Variants in SLC19A1 observed in about 807,000 individuals in gnomAD.
The protein encoded by SLC19A1 is solute carrier family 19 member 1.
In SLC19A1, 37 loss-of-function variants were observed where a neutral mutation model predicts 35.3. The observed-to-expected ratio is 1.05, with a 90% CI of 0.81 to 1.38. The LOEUF (loss-of-function observed/expected upper bound fraction) is 1.38. SLC19A1 is among the 40% of genes most tolerant of loss of function. SLC19A1 has a pLI of 0.00. For synonymous variants in SLC19A1, 460 were observed against 398.5 expected (o/e 1.15, Z -1.84); for missense variants, 831 against 826.9 (o/e 1.00, Z -0.06).
intron 5 of SLC19A1, among the ~76,000 whole-genome samples, chr21:45,516,784 T>G (rs2037969708): frequency 6.6e-6 from 1 of 152,156 alleles, no homozygotes. Flanking sequence ...TTCAGGAGGC[T>G]GCAGTGCCCT....
At chr21:45,526,244 T>C (rs758770563) in intron 4 of SLC19A1, among the ~76,000 whole-genome samples, 2 of 152,236 alleles carry the variant, frequency 1.3e-5, no homozygotes, top group Non-Finnish European at 2.9e-5. Flanking sequence ...CTGGGGCCAG[T>C]AGTTTTGGAT....
At chr21:45,557,032 C>G (rs552412946) in intron 1 of SLC19A1, among the ~76,000 whole-genome samples, 4 of 152,290 alleles carry the variant, frequency 2.6e-5, no homozygotes, top group Non-Finnish European at 5.9e-5. Flanking sequence ...CACCATGTAA[C>G]CTCCCCTGGG....
At chr21:45,539,371 C>T (rs750017000) in intron 1 of SLC19A1, among the ~76,000 whole-genome samples, 4 of 152,210 alleles carry the variant, frequency 2.6e-5, no homozygotes, top group African/African-American at 9.6e-5. Context: ...GGGGCGGGGT[C>T]GCCGTCCCAT....
chr21:45,505,997 C>T lies in SLC19A1; in HGVS notation c.498-7385G>A, dbSNP rs199511992. ...CGCTCTGTGTGACGGGTTCTGGACC[C>T]GTGGAAGGGCCGAAGCCGCCTCCTG... is the stretch of plus-strand genomic sequence containing the variant. On this transcript the variant is annotated intron_variant, in intron 3 of 4. Coordinates refer to the SLC19A1 transcript ENST00000417954. The T allele has an allele frequency of 1.0e-3, 1,623 of 1,612,616 alleles. 3 individuals carry two copies. The highest frequency in any genetic ancestry group is 1.2e-3 in the Non-Finnish European group (1,425 of 1,179,892).
chr21:45,544,568 A>G (rs573391555), upstream of SLC19A1, among the ~76,000 whole-genome samples: 4 of 152,222 alleles, frequency 2.6e-5, no homozygotes, highest in South Asian at 8.3e-4. Flanking sequence ...GTGTTTCATT[A>G]TCGGTTTGTC....
At chr21:45,511,088 C>CACAG, downstream of SLC19A1, 1 of 1,045,896 alleles carries the variant, frequency 9.6e-7, no homozygotes, top group Non-Finnish European at 1.3e-6. Context: ...ACCACACACA[C>CACAG]ATACACACGG....
upstream of SLC19A1, among the ~76,000 whole-genome samples, chr21:45,547,159 A>T (rs73372960): frequency 6.6e-6 from 1 of 152,238 alleles, no homozygotes; most frequent in Non-Finnish European, 1.5e-5. Flanking sequence ...AATATCTAAG[A>T]ATGCATTTAA....
chr21:45,517,906 T>C lies in SLC19A1; in HGVS notation c.1294-1766A>G, dbSNP rs2038050106. On this transcript the variant is annotated intron_variant, in intron 5 of 5. Transcript: ENST00000311124. This position sits in a 1 kb window ranked among gnomAD's most constrained non-coding sequence, Gnocchi z 4.4. ...GCCTGTAGCGAGGTGCACACCCCGC[T>C]TGACCTGCAGGAGTTGCGTCAGCCA... 6.6e-6 allele frequency among the ~76,000 whole-genome samples: 1 copy of C among 152,134 alleles called. No individual in the cohort carries two copies. The highest frequency in any genetic ancestry group is 2.4e-5 in the African/African-American group (1 of 41,424).
intron 3 of SLC19A1, chr21:45,505,237 G>A (rs1387720929): frequency 5.0e-6 from 8 of 1,602,890 alleles, no homozygotes; most frequent in Non-Finnish European, 6.8e-6. Context: ...GGCCCCCCAG[G>A]CCCCCCAGGG....
At chr21:45,525,518 C>T (rs1405487907) in intron 5 of SLC19A1, among the ~76,000 whole-genome samples, 6 of 152,234 alleles carry the variant, frequency 3.9e-5, no homozygotes, top group Admixed American at 6.5e-5. Flanking sequence ...CACCAAGTTC[C>T]GGCAGCCACA....
chr21:45,504,388 C>G, intron 3 of SLC19A1: 1 of 1,606,154 alleles, frequency 6.2e-7, no homozygotes, highest in Non-Finnish European at 8.5e-7. Context: ...GTTCAGGGCT[C>G]CCGTGTAACA....
intron 4 of SLC19A1, among the ~76,000 whole-genome samples, chr21:45,526,187 G>A (rs530655270): frequency 3.3e-5 from 5 of 152,222 alleles, no homozygotes; most frequent in Non-Finnish European, 7.3e-5. Flanking sequence ...GGGAGCTGCC[G>A]TGTCCCCCTG....
rs868191165 is a variant in SLC19A1 at position 45,517,415 on chromosome 21, T to C, written c.1294-1275A>G. On this transcript the variant is annotated intron_variant, in intron 5 of 5. Coordinates refer to ENST00000311124, the MANE Select transcript of SLC19A1 (RefSeq NM_194255.4). The surrounding 1 kb of genome is among the most constrained non-coding windows in gnomAD (Gnocchi z 4.4). ...CCCCCGAGTCCCCTGCGGGGTGGTGTCAGACAACACCAGTGGGCACTAGAG... is the reference window on the plus strand; with the variant it reads ...CCCCCGAGTCCCCTGCGGGGTGGTGCCAGACAACACCAGTGGGCACTAGAG... Among the ~76,000 whole-genome samples the C allele has an allele frequency of 6.6e-6, 1 of 150,534 alleles. No individual in the cohort carries two copies. The highest frequency in any genetic ancestry group is 2.1e-4 in the South Asian group (1 of 4,754).
At chr21:45,551,533 T>C (rs375551671) in intron 1 of SLC19A1, among the ~76,000 whole-genome samples, 2 of 152,240 alleles carry the variant, frequency 1.3e-5, no homozygotes, top group African/African-American at 4.8e-5. Context: ...TGATTTCCTC[T>C]TGGACTCATG....
At position 45,530,232 on chromosome 21, in the gene SLC19A1, G is replaced by A. The variant is rs187946251; in HGVS notation, c.1151+538C>T. Among the ~76,000 whole-genome samples the A allele has an allele frequency of 2.9e-4, 43 of 146,476 alleles. No homozygotes were observed. Among genetic ancestry groups the A allele is most frequent in the African/African-American group, 1.1e-3 (41 of 37,114 alleles). The stretch of plus-strand genomic sequence containing the variant: ...CCATGTGTGAACATGGTGTGTGTCC[G>A]TGTGTGTGGTGTGTTCATGTGCGAT... On this transcript the variant is annotated intron_variant, in intron 4 of 5. Transcript: ENST00000311124. This position sits in a 1 kb window ranked among gnomAD's most constrained non-coding sequence, Gnocchi z 5.3.
At chr21:45,512,092 G>C (rs1403731553), downstream of SLC19A1, 10 of 1,362,900 alleles carry the variant, frequency 7.3e-6, no homozygotes, top group Non-Finnish European at 9.2e-6. Flanking sequence ...TAACCCCAGG[G>C]CTGGCCTCCT....
intron 1 of SLC19A1, among the ~76,000 whole-genome samples, chr21:45,550,959 T>G: frequency 9.8e-6 from 1 of 101,690 alleles, no homozygotes; most frequent in Non-Finnish European, 2.0e-5. Flanking sequence ...CTCCTCAACC[T>G]TCCCAGCACT....
At chr21:45,504,870 C>T (rs1287935476) in intron 3 of SLC19A1, among the ~76,000 whole-genome samples, 1 of 151,990 alleles carries the variant, frequency 6.6e-6, no homozygotes, top group African/African-American at 2.4e-5. Flanking sequence ...CTGAAAGACT[C>T]CAGAGAGCCA....
chr21:45,523,485 G>A (rs984922278), intron 5 of SLC19A1, among the ~76,000 whole-genome samples: 1 of 152,156 alleles, frequency 6.6e-6, no homozygotes, highest in African/African-American at 2.4e-5. Flanking sequence ...GGGCTTCCTC[G>A]TGACCAGCTC....
Sources: allele counts gnomAD v4.1 joint callset (sites outside exome capture counted in the v4.1 genomes callset), GRCh38; gene constraint gnomAD v4.1.1; non-coding constraint Gnocchi (gnomAD v3.1); transcripts MANE v1.5; gene names NCBI Gene and HGNC (gene_info 2026-07-23, HGNC 2026-07-21).